The following ELK3 variants were observed in gnomAD, a reference collection of about 807,000 sequenced individuals.
ELK3 encodes the protein ETS domain-containing protein Elk-3.
Under a neutral mutation model 28.9 loss-of-function variants are expected in ELK3, and 10 were observed. The observed-to-expected ratio is 0.35, with a 90% confidence interval of 0.21 to 0.59. ELK3 has a LOEUF of 0.59. Among genes scored for constraint, ELK3 ranks in the 20% least tolerant of loss-of-function variants. ELK3 has a pLI of 0.82. For missense variants in ELK3, 463 were observed against 517.3 expected, an observed-to-expected ratio of 0.90 and a Z score of 1.02; for synonymous variants, 272 against 243.5, an observed-to-expected ratio of 1.12 and a Z score of -1.09.
At chr12:96,228,500 C>T (rs768003180) in intron 2 of ELK3, among the ~76,000 whole-genome samples, 2 of 149,628 alleles carry the variant, frequency 1.3e-5, no homozygotes, top group Non-Finnish European at 3.0e-5. Flanking sequence ...GATAGGGAAA[C>T]GCCGGATCTG....
intron 3 of ELK3, among the ~76,000 whole-genome samples, chr12:96,248,499 G>C (rs1951876526): frequency 6.6e-6 from 1 of 152,230 alleles, no homozygotes; most frequent in Non-Finnish European, 1.5e-5. Flanking sequence ...TTTAGTGGCA[G>C]AGGTTAAAAG....
chr12:96,266,932 A>C (rs1952036518), intron 4 of ELK3, 150 bp from the exon 5 acceptor site: 1 of 527,978 alleles, frequency 1.9e-6, no homozygotes, highest in Non-Finnish European at 3.1e-6. Context: ...GTCATCTTCC[A>C]ATTATTCTGT....
chr12:96,227,892 C>T (rs931347265), intron 2 of ELK3, among the ~76,000 whole-genome samples: 1 of 152,112 alleles, frequency 6.6e-6, no homozygotes, highest in Non-Finnish European at 1.5e-5. Flanking sequence ...TCATTGTGTT[C>T]ACACGTGTGC....
intron 1 of ELK3, among the ~76,000 whole-genome samples, chr12:96,220,212 C>G (rs1351306341): frequency 3.3e-5 from 5 of 152,046 alleles, no homozygotes; most frequent in Non-Finnish European, 5.9e-5. Flanking sequence ...TGCCTGTTCC[C>G]TTTCTACTCT....
In ELK3 at chr12:96,247,377, C is replaced by T; in HGVS notation, c.645C>T (p.Ala215=). ...SEAAAASAFL[A]SSVSAKISSL... ...CTGCGGCGGCGTCCGCCTTCCTGGC[C>T]TCGTCCGTCTCGGCCAAGATCTCCT... Residue 215 remains alanine, a synonymous_variant, in exon 3 of 5, where the codon GCC becomes GCT. Coordinates refer to ENST00000228741, the MANE Select transcript of ELK3 (RefSeq NM_005230.4). This position sits in a 1 kb window ranked among gnomAD's most constrained non-coding sequence, Gnocchi z 5.5. 1 of 1,614,196 alleles carries T rather than the reference C, an allele frequency of 6.2e-7. No homozygotes were observed. Among genetic ancestry groups the T allele is most frequent in the Non-Finnish European group, 8.5e-7 (1 of 1,180,044 alleles).
chr12:96,198,491 G>A (rs1455379050), intron 1 of ELK3, among the ~76,000 whole-genome samples: 2 of 152,118 alleles, frequency 1.3e-5, no homozygotes, highest in African/African-American at 2.4e-5. Context: ...GAGGGGAAGG[G>A]GACTCCATTT....
At chr12:96,256,980 G>T (rs781140952) in intron 3 of ELK3, among the ~76,000 whole-genome samples, 1 of 152,226 alleles carries the variant, frequency 6.6e-6, no homozygotes, top group Non-Finnish European at 1.5e-5. Context: ...TGGGATGAGG[G>T]TCTTACTCTT....
chr12:96,195,518 T>C (rs932173777), intron 1 of ELK3, among the ~76,000 whole-genome samples: 19 of 152,056 alleles, frequency 1.2e-4, no homozygotes, highest in African/African-American at 4.1e-4. Flanking sequence ...GATTTTGGAG[T>C]AGTTAAAAAG....
intron 3 of ELK3, among the ~76,000 whole-genome samples, chr12:96,254,949 G>A (rs527614815): frequency 4.9e-4 from 74 of 152,058 alleles, no homozygotes; most frequent in Admixed American, 2.8e-3. Flanking sequence ...ATTAGGGGAG[G>A]TATAGCAATA....
intron 2 of ELK3, among the ~76,000 whole-genome samples, chr12:96,225,473 A>T (rs1382111419): frequency 1.3e-5 from 2 of 152,252 alleles, no homozygotes; most frequent in South Asian, 4.1e-4. Flanking sequence ...GAGCAGTTTC[A>T]TAGCCTTCAG....
At chr12:96,217,637 TAACA>T (rs913270512) in intron 1 of ELK3, among the ~76,000 whole-genome samples, 3 of 152,222 alleles carry the variant, frequency 2.0e-5, no homozygotes, top group African/African-American at 4.8e-5. Context: ...AATTATTTTT[TAACA>T]AACCAATTCC....
chr12:96,267,083 T>TC lies in ELK3; in HGVS notation c.1131dup (p.Thr378HisfsTer4), dbSNP rs759096631. ...GTAAAAATCTTTTGTCCCCTACAGT[T>TC]CCCCACACTGCTTAATGGCCACATG... is the stretch of plus-strand genomic sequence containing the variant. On this transcript the variant is annotated frameshift_variant and splice_region_variant, in exon 5 of 5. Transcript: ENST00000228741. LOFTEE classifies it high-confidence loss of function. The TC allele has an allele frequency of 6.8e-6, 11 of 1,612,300 alleles. No individual in the cohort carries two copies. In the South Asian group the frequency reaches 1.2e-4, roughly 18 times the overall value.
intron 3 of ELK3, 142 bp from the exon 4 acceptor site, chr12:96,259,589 A>G: frequency 5.6e-6 from 5 of 893,708 alleles, no homozygotes; most frequent in Non-Finnish European, 8.3e-6. Flanking sequence ...GCCCCTCAGA[A>G]TTAACGTTGC....
At chr12:96,201,473 C>T (rs766227833) in intron 1 of ELK3, among the ~76,000 whole-genome samples, 2 of 150,280 alleles carry the variant, frequency 1.3e-5, no homozygotes, top group African/African-American at 2.5e-5. Flanking sequence ...ATTAGCTAGA[C>T]GTGGTGGTGC....
intron 3 of ELK3, among the ~76,000 whole-genome samples, chr12:96,251,443 C>T (rs1218487569): frequency 6.6e-6 from 1 of 152,040 alleles, no homozygotes; most frequent in Non-Finnish European, 1.5e-5. Flanking sequence ...ATAAAGTGTT[C>T]AAGAGAAAGG....
At chr12:96,210,597 A>ACACACACACAC (rs1416746905) in intron 1 of ELK3, among the ~76,000 whole-genome samples, 4 of 149,068 alleles carry the variant, frequency 2.7e-5, no homozygotes, top group African/African-American at 7.4e-5. Context: ...ACACACACAC[A>ACACACACACAC]CCCCGAGTGG....
At chr12:96,253,493 A>C (rs555306328) in intron 3 of ELK3, among the ~76,000 whole-genome samples, 15 of 152,264 alleles carry the variant, frequency 9.9e-5, no homozygotes, top group Non-Finnish European at 8.8e-5. Flanking sequence ...CTGTGGGATT[A>C]ACTCACCTTT....
intron 1 of ELK3, among the ~76,000 whole-genome samples, chr12:96,207,967 G>C (rs1951549682): frequency 6.6e-6 from 1 of 152,196 alleles, no homozygotes; most frequent in Non-Finnish European, 1.5e-5. Flanking sequence ...ATTTAAAAGA[G>C]GGATTAAAAA....
intron 4 of ELK3, among the ~76,000 whole-genome samples, chr12:96,262,244 C>T (rs962667406): frequency 1.3e-5 from 2 of 152,096 alleles, no homozygotes; most frequent in African/African-American, 4.8e-5. Flanking sequence ...GTCCCAAACT[C>T]CTGACCTCAA....
Sources: gnomAD v4.1 joint callset for allele counts (sites outside exome capture counted in the v4.1 genomes callset) on GRCh38, gnomAD v4.1.1 for gene constraint, Gnocchi (gnomAD v3.1) non-coding constraint, MANE v1.5 for transcripts, NCBI Gene and HGNC (gene_info 2026-07-23, HGNC 2026-07-21) for gene names.